SLC25A42: variants seen among roughly 807,000 people sequenced by gnomAD.
SLC25A42 encodes the protein solute carrier family 25 member 42.
Under a neutral mutation model 34.7 loss-of-function variants are expected in SLC25A42, and 19 were observed. The observed-to-expected ratio is 0.55, with a 90% CI of 0.38 to 0.80. The LOEUF is 0.80. Ranked by LOEUF, SLC25A42 falls within the 30% of genes least tolerant of loss-of-function variation. The pLI is 0.00. For synonymous variants in SLC25A42, 205 were observed against 191.2 expected (o/e 1.07, Z -0.59); for missense variants, 364 against 441.3 (o/e 0.82, Z 1.57).
intron 1 of SLC25A42, among the ~76,000 whole-genome samples, chr19:19,084,254 C>T (rs2059695651): frequency 6.6e-6 from 1 of 152,202 alleles, no homozygotes; most frequent in Non-Finnish European, 1.5e-5. Context: ...CCCCACCTCC[C>T]CTCTACATCT....
chr19:19,074,785 A>G (rs1444293936), intron 1 of SLC25A42, among the ~76,000 whole-genome samples: 1 of 151,772 alleles, frequency 6.6e-6, no homozygotes, highest in Non-Finnish European at 1.5e-5. Context: ...GTGAGTGTGT[A>G]TGTATTAGGA....
intron 1 of SLC25A42, among the ~76,000 whole-genome samples, chr19:19,075,543 C>A (rs940419288): frequency 2.6e-5 from 4 of 152,136 alleles, no homozygotes; most frequent in African/African-American, 4.8e-5. Flanking sequence ...CTAGAGTGAA[C>A]GTGGCAAGGC....
chr19:19,064,840 C>G (rs550756228), intron 1 of SLC25A42, among the ~76,000 whole-genome samples: 2 of 152,118 alleles, frequency 1.3e-5, no homozygotes, highest in South Asian at 4.2e-4. Context: ...ATCTCAGGAT[C>G]GCTGCACCCT....
At position 19,111,022 on chromosome 19, in the gene SLC25A42, G is replaced by A. The variant is rs2059862105; in HGVS notation, c.*146G>A. 4.5e-6 allele frequency: 4 copies of A among 894,898 alleles called. No individual in the cohort carries two copies. Among genetic ancestry groups the A allele is most frequent in the East Asian group, 2.7e-5 (1 of 37,256 alleles). The allele number at this position is 894,898 out of a possible 1,614,324, so 55.4% of individuals were successfully genotyped here. ...GAGCAGGTGGGCCTGAGGGGCCTGGGCTCAGAGTCCACGTCCAAACGCAAA... is the reference window on the plus strand; with the variant it reads ...GAGCAGGTGGGCCTGAGGGGCCTGGACTCAGAGTCCACGTCCAAACGCAAA... On this transcript the variant is annotated 3_prime_UTR_variant, in exon 8 of 8. Coordinates refer to ENST00000318596, the MANE Select transcript of SLC25A42 (RefSeq NM_178526.5).
chr19:19,086,654 G>A (rs1013765721), intron 1 of SLC25A42, among the ~76,000 whole-genome samples: 8 of 151,180 alleles, frequency 5.3e-5, no homozygotes, highest in African/African-American at 1.2e-4. Context: ...GTTTTGTTTC[G>A]TTTTGAGACA....
At chr19:19,101,316 C>T (rs534049856) in intron 2 of SLC25A42, among the ~76,000 whole-genome samples, 13 of 152,124 alleles carry the variant, frequency 8.5e-5, no homozygotes, top group Non-Finnish European at 1.9e-4. Flanking sequence ...GAGTCCTGAT[C>T]GGAAGTTGTG....
At chr19:19,101,972 G>T in intron 3 of SLC25A42, 86 bp downstream of exon 3, 8 of 822,100 alleles carry the variant, frequency 9.7e-6, no homozygotes, top group South Asian at 1.8e-5. Context: ...CTTCAAATTG[G>T]CTTTTATTTT....
chr19:19,083,791 C>G (rs1203266808), intron 1 of SLC25A42, among the ~76,000 whole-genome samples: 1 of 152,124 alleles, frequency 6.6e-6, no homozygotes, highest in Non-Finnish European at 1.5e-5. Flanking sequence ...CCCCACTGCC[C>G]CAGCATGCAC....
chr19:19,082,626 G>A (rs8102294), intron 1 of SLC25A42, among the ~76,000 whole-genome samples: 6,887 of 152,004 alleles, frequency 0.045, 185 homozygotes, highest in Middle Eastern at 0.11. Flanking sequence ...GCCTCCCAAA[G>A]GGCTGGAATT....
At chr19:19,073,619 G>C (rs2059641537) in intron 1 of SLC25A42, among the ~76,000 whole-genome samples, 2 of 151,020 alleles carry the variant, frequency 1.3e-5, no homozygotes, top group Non-Finnish European at 2.9e-5. Context: ...CCATCACCCA[G>C]GCTGGAGTGC....
intron 3 of SLC25A42, among the ~76,000 whole-genome samples, chr19:19,104,307 A>G (rs1215795604): frequency 5.3e-5 from 8 of 151,228 alleles, no homozygotes. Flanking sequence ...GCATGCATGC[A>G]TGTTGCACAC....
At chr19:19,101,333 G>T (rs546844542) in intron 2 of SLC25A42, among the ~76,000 whole-genome samples, 4 of 152,252 alleles carry the variant, frequency 2.6e-5, no homozygotes, top group Admixed American at 2.6e-4. Context: ...TGTGGGAAGG[G>T]ACACGCTGAC....
intron 1 of SLC25A42, among the ~76,000 whole-genome samples, chr19:19,079,720 T>A (rs2059671796): frequency 6.6e-6 from 1 of 152,184 alleles, no homozygotes; most frequent in Non-Finnish European, 1.5e-5. Flanking sequence ...GGAGCATTCA[T>A]GTACAAGTTT....
intron 1 of SLC25A42, among the ~76,000 whole-genome samples, chr19:19,094,541 G>A (rs2059754637): frequency 6.6e-6 from 1 of 151,916 alleles, no homozygotes; most frequent in Admixed American, 6.6e-5. Flanking sequence ...CTTTCTCTCT[G>A]GCCCCATCTT....
At position 19,110,746 on chromosome 19, in the gene SLC25A42, G is replaced by A. The variant is rs200692918; in HGVS notation, c.827G>A (p.Arg276Gln). The A allele has an allele frequency of 3.6e-4, 580 of 1,612,244 alleles. 1 individual carries two copies. Among genetic ancestry groups the A allele is most frequent in the Non-Finnish European group, 4.5e-4 (534 of 1,179,554 alleles). ...GCCCGCACGCTGCGCACCATCGTGC[G>A]GGAGGAGGGCGCCGTGCGCGGCCTC... is the stretch of plus-strand genomic sequence containing the variant. ...SIARTLRTIV[R>Q]EEGAVRGLYK... The change falls in exon 8 of 8, where the codon CGG becomes CAG. Residue 276 changes from arginine to glutamine, a missense_variant. Physicochemically the swap from Arg to Gln is conservative, Grantham distance 43. Coordinates refer to ENST00000318596, the MANE Select transcript of SLC25A42 (RefSeq NM_178526.5).
chr19:19,072,865 G>A (rs1021090256), intron 1 of SLC25A42, among the ~76,000 whole-genome samples: 2 of 151,916 alleles, frequency 1.3e-5, no homozygotes, highest in Non-Finnish European at 2.9e-5. Context: ...TAGAGACAGG[G>A]CCTCACTCTG....
chr19:19,066,636 A>G (rs1384192239), intron 1 of SLC25A42, among the ~76,000 whole-genome samples: 1 of 151,970 alleles, frequency 6.6e-6, no homozygotes, highest in African/African-American at 2.4e-5. Context: ...TTTTTTTAGT[A>G]GAGACGGGGT....
intron 1 of SLC25A42, among the ~76,000 whole-genome samples, chr19:19,082,365 C>T (rs2059685741): frequency 6.6e-6 from 1 of 152,124 alleles, no homozygotes; most frequent in Admixed American, 6.6e-5. Flanking sequence ...TATCTTTGTT[C>T]GTTCTGGTCC....
At position 19,113,011 on chromosome 19, in the gene SLC25A42, AAAG is replaced by A. The variant is rs1044676636; in HGVS notation, c.*2139_*2141del. 13 of 152,072 alleles carry A rather than the reference AAAG, an allele frequency of 8.5e-5. 1 individual carries two copies. Among genetic ancestry groups the A allele is most frequent in the Admixed American group, 6.6e-4 (10 of 15,208 alleles). 9.4% of individuals were successfully genotyped at this position (152,072 alleles called of 1,614,324 possible). The stretch of plus-strand genomic sequence containing the variant: ...AAAGTTCTGAATAAAAGTCTTGAAT[AAAG>A]AAGTTTTTAAATGCAATTGTTGTTT... On this transcript the variant is annotated 3_prime_UTR_variant, in exon 8 of 8. Coordinates refer to ENST00000318596, the MANE Select transcript of SLC25A42 (RefSeq NM_178526.5).
Sources: gnomAD v4.1 joint callset for allele counts (sites outside exome capture counted in the v4.1 genomes callset) on GRCh38, gnomAD v4.1.1 for gene constraint, MANE v1.5 for transcripts, NCBI Gene and HGNC (gene_info 2026-07-23, HGNC 2026-07-21) for gene names.